The following NFATC2 variants were observed in gnomAD, a reference collection of about 807,000 sequenced individuals.
NFATC2 encodes nuclear factor of activated T cells 2.
In NFATC2, 22 loss-of-function variants were observed where a neutral mutation model predicts 87.3. That is an observed-to-expected ratio of 0.25 (90% CI 0.18 to 0.36). The LOEUF (loss-of-function observed/expected upper bound fraction) is 0.36, where lower values mean the gene tolerates loss of function less well. Among genes scored for constraint, NFATC2 ranks in the 10% least tolerant of loss-of-function variants. The pLI is 1.00. For missense variants in NFATC2, 1,149 were observed against 1,259.1 expected, an observed-to-expected ratio of 0.91 and a Z score of 1.32; for synonymous variants, 565 against 542.2, an observed-to-expected ratio of 1.04 and a Z score of -0.58.
intron 6 of NFATC2, among the ~76,000 whole-genome samples, chr20:51,452,453 C>T (rs1444285865): frequency 2.0e-5 from 3 of 152,222 alleles, no homozygotes; most frequent in Non-Finnish European, 4.4e-5. Context: ...CACCTCAGAT[C>T]TCATTGCTGA....
chr20:51,418,951 A>ACCCCCCCCCC (rs138137281), intron 9 of NFATC2, among the ~76,000 whole-genome samples: 4 of 145,950 alleles, frequency 2.7e-5, no homozygotes, highest in African/African-American at 1.1e-4. Flanking sequence ...GGCGTGAGCC[A>ACCCCCCCCCC]CCCCCACCGC....
chr20:51,410,773 C>A (rs1979108863), intron 9 of NFATC2, among the ~76,000 whole-genome samples: 1 of 152,198 alleles, frequency 6.6e-6, no homozygotes, highest in African/African-American at 2.4e-5. Flanking sequence ...AGTGTCACCT[C>A]TCAGAGAGGC....
chr20:51,533,433 T>C (rs1442461192), intron 1 of NFATC2, among the ~76,000 whole-genome samples: 4 of 152,216 alleles, frequency 2.6e-5, no homozygotes, highest in Non-Finnish European at 5.9e-5. Context: ...TGTGTATTAA[T>C]GACCAGAGTC....
chr20:51,503,384 T>C (rs1568697859), intron 3 of NFATC2, among the ~76,000 whole-genome samples: 1 of 152,204 alleles, frequency 6.6e-6, no homozygotes, highest in Non-Finnish European at 1.5e-5. Flanking sequence ...CTTCGGCAAA[T>C]TGAAGCCCCA....
At chr20:51,516,550 G>A (rs2273642) in intron 3 of NFATC2, among the ~76,000 whole-genome samples, 41,125 of 152,070 alleles carry the variant, frequency 0.27, 5,745 homozygotes, top group Admixed American at 0.34. Context: ...AGAAGCATCC[G>A]GGCACATGAA....
intron 9 of NFATC2, among the ~76,000 whole-genome samples, chr20:51,413,538 G>A (rs1009632380): frequency 6.6e-5 from 10 of 152,142 alleles, no homozygotes; most frequent in Non-Finnish European, 1.3e-4. Context: ...TGGGAGGACT[G>A]CTTCAGGCCA....
At chr20:51,481,784 G>A (rs1451217192) in intron 3 of NFATC2, among the ~76,000 whole-genome samples, 3 of 152,080 alleles carry the variant, frequency 2.0e-5, no homozygotes, top group South Asian at 2.1e-4. Context: ...GAGGAATGAC[G>A]TGTGATTTAG....
At chr20:51,487,736 G>A (rs1016115430) in intron 3 of NFATC2, among the ~76,000 whole-genome samples, 13 of 151,870 alleles carry the variant, frequency 8.6e-5, no homozygotes, top group Admixed American at 3.9e-4. Flanking sequence ...TGACACCTCC[G>A]CCCCCACACC....
chr20:51,519,284 A>G (rs1486360784), intron 2 of NFATC2, among the ~76,000 whole-genome samples: 1 of 152,098 alleles, frequency 6.6e-6, no homozygotes, highest in African/African-American at 2.4e-5. Context: ...CCAGGTATCA[A>G]TTTATACTTT....
intron 6 of NFATC2, among the ~76,000 whole-genome samples, chr20:51,444,849 C>T (rs1984844168): frequency 6.6e-6 from 1 of 151,870 alleles, no homozygotes; most frequent in Non-Finnish European, 1.5e-5. Context: ...TCAGGAATGG[C>T]CCCCCCAGCT....
At chr20:51,526,255 A>C (rs1042133098) in intron 1 of NFATC2, among the ~76,000 whole-genome samples, 2 of 152,154 alleles carry the variant, frequency 1.3e-5, no homozygotes, top group East Asian at 3.9e-4. Context: ...CATGGGCCAA[A>C]TGCGGCCCAT....
At chr20:51,494,081 T>G (rs952917317) in intron 3 of NFATC2, among the ~76,000 whole-genome samples, 3 of 152,012 alleles carry the variant, frequency 2.0e-5, no homozygotes, top group African/African-American at 7.2e-5. Context: ...ATCGCCACCA[T>G]CGTCACCCAT....
At chr20:51,548,810 A>G (rs1456637543) in intron 1 of NFATC2, among the ~76,000 whole-genome samples, 2 of 152,252 alleles carry the variant, frequency 1.3e-5, no homozygotes, top group Non-Finnish European at 2.9e-5. Flanking sequence ...CTGCACCACT[A>G]GGAGAACCCA....
intron 1 of NFATC2, among the ~76,000 whole-genome samples, chr20:51,525,601 T>G (rs371123663): frequency 2.2e-5 from 3 of 137,686 alleles, no homozygotes; most frequent in African/African-American, 8.1e-5. Context: ...CGCCAGCTCA[T>G]GGGGCGGCCT....
chr20:51,430,865 G>A (rs1982604971), intron 9 of NFATC2, among the ~76,000 whole-genome samples: 1 of 152,170 alleles, frequency 6.6e-6, no homozygotes, highest in African/African-American at 2.4e-5. Context: ...GCTCCTGAGA[G>A]TTAATTTTCT....
In NFATC2 at chr20:51,480,479, C is replaced by G. The variant is rs925969403; in HGVS notation, c.1333-4819G>C. 1.4e-4 allele frequency among the ~76,000 whole-genome samples: 21 copies of G among 152,272 alleles called. No homozygotes were observed. The highest frequency in any genetic ancestry group is 1.0e-3 in the South Asian group (5 of 4,824). On this transcript the variant is annotated intron_variant, in intron 3 of 10. Coordinates refer to ENST00000371564, the MANE Select transcript of NFATC2 (RefSeq NM_012340.5). The surrounding 1 kb of genome is among the most constrained non-coding windows in gnomAD (Gnocchi z 4.2). ...TGGCCTCTCTGAGTTGAAGAGCAGC[C>G]TCTGGGTTGAGCTGGGCTGGCTTAT...
intron 3 of NFATC2, among the ~76,000 whole-genome samples, chr20:51,514,921 C>T (rs936549349): frequency 3.3e-5 from 5 of 152,106 alleles, no homozygotes; most frequent in South Asian, 2.1e-4. Flanking sequence ...CAGGATTGGA[C>T]GGCAGGAATC....
chr20:51,427,535 C>T (rs1982025071), intron 9 of NFATC2, among the ~76,000 whole-genome samples: 1 of 152,202 alleles, frequency 6.6e-6, no homozygotes. Context: ...TCAATTCACA[C>T]ATCCCCCTTT....
At position 51,432,776 on chromosome 20, in the gene NFATC2, CATAGGGG is replaced by C; in HGVS notation, c.2033-27_2033-21del. 6.5e-7 allele frequency: 1 copy of C among 1,534,908 alleles called. No homozygotes were observed. ...CTGGGACTGGGAGGAGAAAAGAGCA[CATAGGGG>C]CGCCCATGGCAGTGAGCCACGGATG... On this transcript the variant is annotated intron_variant, in intron 8 of 10. Coordinates refer to ENST00000371564, the MANE Select transcript of NFATC2 (RefSeq NM_012340.5). The surrounding 1 kb of genome is among the most constrained non-coding windows in gnomAD (Gnocchi z 4.6).
Sources: gnomAD v4.1 joint callset for allele counts (sites outside exome capture counted in the v4.1 genomes callset) on GRCh38, gnomAD v4.1.1 for gene constraint, Gnocchi (gnomAD v3.1) non-coding constraint, MANE v1.5 for transcripts, NCBI Gene and HGNC (gene_info 2026-07-23, HGNC 2026-07-21) for gene names.